The following MALRD1 variants were observed in gnomAD, a reference collection of about 807,000 sequenced individuals.
MALRD1 encodes MAM and LDL-receptor class A domain-containing protein 1.
A neutral mutation model predicts 242.1 loss-of-function variants in MALRD1; 247 were observed. That is an observed-to-expected ratio of 1.02 (90% CI 0.92 to 1.13). MALRD1 has a LOEUF of 1.13. Among genes scored for constraint, MALRD1 ranks in the 50% most tolerant of loss-of-function variants. The pLI is 0.00. For missense variants in MALRD1, 2,989 were observed against 2,533.1 expected (o/e 1.18, Z -3.86); for synonymous variants, 995 against 866.6 (o/e 1.15, Z -2.60).
At position 19,657,170 on chromosome 10, in the gene MALRD1, T is replaced by C. The variant is rs75508986; in HGVS notation, c.6138-35112T>C. Among the ~76,000 whole-genome samples the C allele has an allele frequency of 7.3e-3, 1,108 of 152,284 alleles. 9 individuals carry two copies. The highest frequency in any genetic ancestry group is 8.7e-3 in the Non-Finnish European group (593 of 68,018). On this transcript the variant is annotated intron_variant, in intron 36 of 39. Coordinates refer to ENST00000454679, the MANE Select transcript of MALRD1 (RefSeq NM_001142308.3). ...TGCACTGGCAAAGGTGTTCCGACCC[T>C]TCGCCCACTCCCTAATTAGCTAATT... is the stretch of plus-strand genomic sequence containing the variant.
chr10:19,065,287 C>CAAAAAAAAAAAAAAAAAAAAAAA (rs1197670439), intron 1 of MALRD1, among the ~76,000 whole-genome samples: 3 of 50,622 alleles, frequency 5.9e-5, no homozygotes, highest in South Asian at 1.1e-3. Flanking sequence ...AACGCTGTCT[C>CAAAAAAAAAAAAAAAAAAAAAAA]AAAAAAAAAA....
At chr10:19,515,785 G>A (rs576967175) in intron 31 of MALRD1, among the ~76,000 whole-genome samples, 1 of 152,178 alleles carries the variant, frequency 6.6e-6, no homozygotes, top group South Asian at 2.1e-4. Flanking sequence ...AGCCAGGATG[G>A]TCTCAATCTC....
intron 38 of MALRD1, among the ~76,000 whole-genome samples, chr10:19,713,302 A>G (rs1340862776): frequency 6.6e-6 from 1 of 152,232 alleles, no homozygotes; most frequent in African/African-American, 2.4e-5. Context: ...CTCTGTTCTT[A>G]TACTTATCTG....
chr10:19,235,211 C>T (rs766393663), intron 18 of MALRD1, among the ~76,000 whole-genome samples: 2 of 152,048 alleles, frequency 1.3e-5, no homozygotes, highest in African/African-American at 2.4e-5. Flanking sequence ...AAGGGGGACA[C>T]GTTTGAAGTA....
At chr10:19,525,022 A>G (rs937091602) in intron 31 of MALRD1, among the ~76,000 whole-genome samples, 13 of 151,776 alleles carry the variant, frequency 8.6e-5, no homozygotes, top group Admixed American at 3.3e-4. Context: ...TTCCTGCCTC[A>G]GCCTCCCAAG....
chr10:19,341,569 A>G (rs140198362), intron 24 of MALRD1, among the ~76,000 whole-genome samples: 2,228 of 104,880 alleles, frequency 0.021, 40 homozygotes, highest in Non-Finnish European at 0.027. Flanking sequence ...TATTTTATAC[A>G]TACATGTATA....
chr10:19,260,140 A>T (rs7072833), intron 19 of MALRD1, among the ~76,000 whole-genome samples: 12,910 of 152,220 alleles, frequency 0.085, 739 homozygotes, highest in African/African-American at 0.16. Flanking sequence ...ATATTAAGTA[A>T]TTCTATGTGC....
At chr10:19,577,653 A>G (rs905814769) in intron 33 of MALRD1, among the ~76,000 whole-genome samples, 1 of 152,192 alleles carries the variant, frequency 6.6e-6, no homozygotes, top group South Asian at 2.1e-4. Flanking sequence ...ATAAAACACA[A>G]ATCACTGTCC....
chr10:19,661,647 G>C (rs571425036), intron 36 of MALRD1, among the ~76,000 whole-genome samples: 2 of 152,144 alleles, frequency 1.3e-5, no homozygotes, highest in Admixed American at 1.3e-4. Context: ...GGATAGGGGC[G>C]GGGGGAAGGA....
intron 33 of MALRD1, among the ~76,000 whole-genome samples, chr10:19,585,876 A>T (rs1837366476): frequency 6.6e-6 from 1 of 152,118 alleles, no homozygotes; most frequent in Non-Finnish European, 1.5e-5. Flanking sequence ...TCAGACGTAG[A>T]TTTGGTCTTT....
At chr10:19,644,466 C>T (rs189490486) in intron 36 of MALRD1, among the ~76,000 whole-genome samples, 20 of 462 alleles carry the variant, frequency 0.043, no homozygotes, top group African/African-American at 0.092. Flanking sequence ...GCTTTGGTTA[C>T]GGTCATCAGA....
intron 32 of MALRD1, among the ~76,000 whole-genome samples, chr10:19,559,561 C>T (rs769811573): frequency 2.6e-5 from 4 of 151,960 alleles, no homozygotes; most frequent in African/African-American, 4.8e-5. Context: ...GTGTAGAATT[C>T]GTGTGTGAAT....
chr10:19,333,620 A>G (rs1202328138), intron 24 of MALRD1, among the ~76,000 whole-genome samples: 1 of 152,138 alleles, frequency 6.6e-6, no homozygotes, highest in Non-Finnish European at 1.5e-5. Context: ...GAATGCGTGT[A>G]TCTTTTTGGG....
intron 33 of MALRD1, among the ~76,000 whole-genome samples, chr10:19,571,994 C>T (rs917165872): frequency 2.6e-5 from 4 of 152,120 alleles, no homozygotes; most frequent in African/African-American, 9.7e-5. Flanking sequence ...GTCGTTTTTA[C>T]CACCACCACA....
intron 36 of MALRD1, among the ~76,000 whole-genome samples, chr10:19,681,901 G>A (rs115090670): frequency 1.1e-3 from 160 of 146,944 alleles, no homozygotes; most frequent in African/African-American, 3.8e-3. Context: ...CTGTTTCCAG[G>A]CTGGATTGCA....
chr10:19,464,106 G>T (rs532065469), intron 29 of MALRD1, among the ~76,000 whole-genome samples: 5 of 152,236 alleles, frequency 3.3e-5, no homozygotes, highest in African/African-American at 7.2e-5. Flanking sequence ...GTAGATTCTG[G>T]ATATTAGTCC....
chr10:19,589,176 AAGAT>A (rs1308411513), intron 33 of MALRD1, among the ~76,000 whole-genome samples: 1 of 152,112 alleles, frequency 6.6e-6, no homozygotes, highest in South Asian at 2.1e-4. Context: ...ATATTGGTCC[AAGAT>A]AGATAGATAG....
chr10:19,574,094 G>T (rs1349174704), intron 33 of MALRD1, among the ~76,000 whole-genome samples: 1 of 152,196 alleles, frequency 6.6e-6, no homozygotes, highest in East Asian at 1.9e-4. Context: ...AGAAAGTCAA[G>T]GGGAATAGTA....
At chr10:19,201,076 A>G (rs1318281750) in intron 14 of MALRD1, among the ~76,000 whole-genome samples, 1 of 152,160 alleles carries the variant, frequency 6.6e-6, no homozygotes, top group Non-Finnish European at 1.5e-5. Flanking sequence ...ATGCTTCAGA[A>G]ACAGTGAAAA....
Sources: allele counts gnomAD v4.1 joint callset (sites outside exome capture counted in the v4.1 genomes callset), GRCh38; gene constraint gnomAD v4.1.1; transcripts MANE v1.5; gene names NCBI Gene and HGNC (gene_info 2026-07-23, HGNC 2026-07-21).